The following NEXMIF variants were observed in gnomAD, a reference collection of about 807,000 sequenced individuals.
NEXMIF encodes the protein neurite extension and migration factor.
A neutral mutation model predicts 62.1 loss-of-function variants in NEXMIF; 8 were observed. That is an observed-to-expected ratio of 0.13 (90% CI 0.08 to 0.23). The LOEUF is 0.23. NEXMIF is among the 10% of genes least tolerant of loss of function. The pLI, the probability that NEXMIF is intolerant of heterozygous loss-of-function variation, is 1.00. For missense variants in NEXMIF, 976 were observed against 1,113.3 expected, an observed-to-expected ratio of 0.88 and a Z score of 1.75; for synonymous variants, 404 against 416.6, an observed-to-expected ratio of 0.97 and a Z score of 0.37.
At chrX:74,923,042 G>A (rs763136669) in intron 1 of NEXMIF, among the ~76,000 whole-genome samples, 25 of 111,422 alleles carry the variant, frequency 2.2e-4, no homozygotes, top group Non-Finnish European at 3.0e-4. Context: ...CTAGATTTTC[G>A]GGGAGGTGAA....
intron 1 of NEXMIF, among the ~76,000 whole-genome samples, chrX:74,792,400 T>C (rs1176627384): frequency 9.5e-6 from 1 of 105,092 alleles, no homozygotes; most frequent in African/African-American, 3.4e-5. Flanking sequence ...TCCAAGTATG[T>C]GGTCAATTTT....
chrX:74,910,483 T>A (rs1218120810), intron 1 of NEXMIF, among the ~76,000 whole-genome samples: 3 of 112,300 alleles, frequency 2.7e-5, no homozygotes, highest in African/African-American at 9.7e-5. Context: ...AGCTTGCTTT[T>A]GACTTTACAG....
intron 1 of NEXMIF, among the ~76,000 whole-genome samples, chrX:74,773,511 A>T (rs1177093100): frequency 9.0e-6 from 1 of 111,073 alleles, no homozygotes; most frequent in Non-Finnish European, 1.9e-5. Flanking sequence ...TGGGGCCATC[A>T]AGGTGGACTG....
chrX:74,795,006 A>G (rs913889722), intron 1 of NEXMIF, among the ~76,000 whole-genome samples: 2 of 111,344 alleles, frequency 1.8e-5, no homozygotes, highest in Non-Finnish European at 3.8e-5. Context: ...CTCCCATCCC[A>G]TTGATATTCT....
chrX:74,922,983 A>G (rs2080832084), intron 1 of NEXMIF, among the ~76,000 whole-genome samples: 1 of 111,645 alleles, frequency 9.0e-6, no homozygotes, highest in Non-Finnish European at 1.9e-5. Context: ...ACCCTACCCC[A>G]TGTGCACCAA....
Position 74,918,993 on chromosome X carries a change from T to C in NEXMIF, c.-48+5890A>G, listed in dbSNP as rs760210235. Among the ~76,000 whole-genome samples the C allele has an allele frequency of 1.7e-4, 19 of 112,485 alleles. No homozygotes were observed. In the East Asian group the frequency reaches 4.5e-3, roughly 27 times the overall value. On this transcript the variant is annotated intron_variant, in intron 1 of 3. Coordinates refer to ENST00000055682, the MANE Select transcript of NEXMIF (RefSeq NM_001008537.3). ...ATGACCACATACAAACTATTTGAAA[T>C]AGAAAGTTGCCTGTGCACTTCTCAA... is the stretch of plus-strand genomic sequence containing the variant.
At chrX:74,790,290 A>G (rs1336348017) in intron 1 of NEXMIF, among the ~76,000 whole-genome samples, 1 of 110,723 alleles carries the variant, frequency 9.0e-6, no homozygotes, top group Non-Finnish European at 1.9e-5. Context: ...AGTTGTAGAT[A>G]TGCGGCGTTA....
chrX:74,813,491 T>C (rs1353610398), intron 1 of NEXMIF, among the ~76,000 whole-genome samples: 4 of 112,248 alleles, frequency 3.6e-5, no homozygotes, highest in Non-Finnish European at 7.5e-5. Flanking sequence ...AAAATGTGTT[T>C]TGTAAACTCT....
At chrX:74,781,123 T>C (rs2080245303) in intron 1 of NEXMIF, among the ~76,000 whole-genome samples, 1 of 112,304 alleles carries the variant, frequency 8.9e-6, no homozygotes, top group Non-Finnish European at 1.9e-5. Flanking sequence ...AGGGCCCAGC[T>C]CCCACTTACC....
intron 1 of NEXMIF, among the ~76,000 whole-genome samples, chrX:74,762,849 G>A (rs1433411447): frequency 9.0e-6 from 1 of 110,768 alleles, no homozygotes; most frequent in African/African-American, 3.3e-5. Context: ...TCAGTTCTTT[G>A]TAGATTCTGG....
intron 1 of NEXMIF, among the ~76,000 whole-genome samples, chrX:74,886,443 C>T (rs1175395272): frequency 1.8e-5 from 2 of 112,184 alleles, no homozygotes; most frequent in Non-Finnish European, 3.8e-5. Flanking sequence ...TAAGCTACTT[C>T]AGCAAAGTCT....
At chrX:74,859,826 G>A (rs1449575112) in intron 1 of NEXMIF, among the ~76,000 whole-genome samples, 2 of 111,508 alleles carry the variant, frequency 1.8e-5, no homozygotes, top group Non-Finnish European at 3.8e-5. Flanking sequence ...TGGAAACAAT[G>A]CTATGTTGTT....
intron 1 of NEXMIF, among the ~76,000 whole-genome samples, chrX:74,765,131 T>C (rs1327122978): frequency 8.9e-6 from 1 of 112,019 alleles, no homozygotes; most frequent in Non-Finnish European, 1.9e-5. Context: ...TATATATTTA[T>C]ACTAGTTAGG....
intron 1 of NEXMIF, among the ~76,000 whole-genome samples, chrX:74,759,576 G>A (rs980174711): frequency 3.6e-5 from 4 of 112,219 alleles, no homozygotes; most frequent in African/African-American, 1.3e-4. Context: ...ATGGTGTAAA[G>A]AAGGTGTTCA....
intron 1 of NEXMIF, among the ~76,000 whole-genome samples, chrX:74,848,787 G>C (rs1047572276): frequency 3.6e-5 from 4 of 111,761 alleles, no homozygotes; most frequent in African/African-American, 1.3e-4. Context: ...TCCTTTGGGA[G>C]GTGATTAGGA....
chrX:74,831,362 G>C, intron 1 of NEXMIF, among the ~76,000 whole-genome samples: 1 of 62,111 alleles, frequency 1.6e-5, no homozygotes, highest in African/African-American at 7.1e-5. Flanking sequence ...CCCCACAACA[G>C]TCCCCGGAGT....
chrX:74,826,879 T>C (rs1488045309), intron 1 of NEXMIF, among the ~76,000 whole-genome samples: 2 of 111,858 alleles, frequency 1.8e-5, no homozygotes, highest in Non-Finnish European at 3.8e-5. Flanking sequence ...TAATATTAAA[T>C]TTATTGTTGG....
At chrX:74,882,995 C>T (rs1261434011) in intron 1 of NEXMIF, among the ~76,000 whole-genome samples, 2 of 111,374 alleles carry the variant, frequency 1.8e-5, no homozygotes, top group Non-Finnish European at 3.8e-5. Flanking sequence ...CACCAATATC[C>T]GCTGTTCTGC....
At chrX:74,823,661 GAGAA>G (rs1357033520) in intron 1 of NEXMIF, among the ~76,000 whole-genome samples, 2 of 105,892 alleles carry the variant, frequency 1.9e-5, no homozygotes, top group Non-Finnish European at 3.8e-5. Flanking sequence ...AAAAAAAGGA[GAGAA>G]AGAGAGAGAA....
Sources: gnomAD v4.1 joint callset for allele counts (sites outside exome capture counted in the v4.1 genomes callset) on GRCh38, gnomAD v4.1.1 for gene constraint, MANE v1.5 for transcripts, NCBI Gene and HGNC (gene_info 2026-07-23, HGNC 2026-07-21) for gene names.